The following CTNND2 variants were observed in gnomAD, a reference collection of about 807,000 sequenced individuals.
CTNND2 encodes catenin delta-2.
CTNND2 carries 22 observed loss-of-function variants against 144.4 expected under a neutral mutation model. That is an observed-to-expected ratio of 0.15 (90% confidence interval 0.11 to 0.22). CTNND2 has a LOEUF of 0.22. Among genes scored for constraint, CTNND2 ranks in the 10% least tolerant of loss-of-function variants. CTNND2 has a pLI of 1.00. For missense variants in CTNND2, 1,353 were observed against 1,618.8 expected (o/e 0.84, Z 2.82); for synonymous variants, 751 against 695.6 (o/e 1.08, Z -1.25).
At chr5:11,127,622 A>C (rs1232941375) in intron 12 of CTNND2, among the ~76,000 whole-genome samples, 1 of 151,920 alleles carries the variant, frequency 6.6e-6, no homozygotes, top group Non-Finnish European at 1.5e-5. Context: ...TGGAGCAGCA[A>C]CTCCATTTTA....
intron 9 of CTNND2, among the ~76,000 whole-genome samples, chr5:11,243,884 C>T (rs922470027): frequency 6.6e-6 from 1 of 152,202 alleles, no homozygotes; most frequent in Non-Finnish European, 1.5e-5. Flanking sequence ...TTCAGCAAAG[C>T]TTTATGGTGG....
At chr5:11,033,121 A>C (rs1743661849) in intron 16 of CTNND2, among the ~76,000 whole-genome samples, 1 of 152,182 alleles carries the variant, frequency 6.6e-6, no homozygotes, top group Non-Finnish European at 1.5e-5. Flanking sequence ...TTTAAAGTTA[A>C]AAATTAGAAA....
intron 18 of CTNND2, among the ~76,000 whole-genome samples, chr5:11,005,082 A>G (rs1017938177): frequency 1.6e-4 from 24 of 152,174 alleles, no homozygotes. Flanking sequence ...AGCTGGGGAA[A>G]GTCAGGAAGT....
intron 3 of CTNND2, among the ~76,000 whole-genome samples, chr5:11,470,968 ATATATATATATAT>A (rs1164560085): frequency 2.5e-4 from 23 of 93,054 alleles, no homozygotes; most frequent in African/African-American, 1.3e-3. Flanking sequence ...ATATATATAT[ATATATATATATAT>A]TTTTTTTTTT....
At chr5:11,453,998 C>T (rs1765508284) in intron 3 of CTNND2, among the ~76,000 whole-genome samples, 1 of 152,104 alleles carries the variant, frequency 6.6e-6, no homozygotes, top group Non-Finnish European at 1.5e-5. Context: ...TATAGGATTT[C>T]ACATATTTAA....
intron 12 of CTNND2, among the ~76,000 whole-genome samples, chr5:11,120,986 C>A (rs577341329): frequency 2.6e-5 from 4 of 152,306 alleles, no homozygotes; most frequent in African/African-American, 7.2e-5. Flanking sequence ...GTCTTCCCCA[C>A]AGACACAAGT....
At chr5:11,792,244 C>T (rs1243703927) in intron 1 of CTNND2, among the ~76,000 whole-genome samples, 1 of 152,058 alleles carries the variant, frequency 6.6e-6, no homozygotes, top group Non-Finnish European at 1.5e-5. Flanking sequence ...CCCTCAAAAA[C>T]TGTTAGGCAA....
At chr5:11,097,201 C>T (rs1751438299) in intron 15 of CTNND2, among the ~76,000 whole-genome samples, 1 of 152,138 alleles carries the variant, frequency 6.6e-6, no homozygotes, top group Non-Finnish European at 1.5e-5. Context: ...GTCAAAGCTT[C>T]CTAGATCACG....
intron 18 of CTNND2, among the ~76,000 whole-genome samples, chr5:11,002,000 C>A (rs1292346166): frequency 6.6e-6 from 1 of 152,194 alleles, no homozygotes; most frequent in African/African-American, 2.4e-5. Flanking sequence ...CCCCATGGAG[C>A]TCAGAAGAAG....
chr5:11,626,461 CATAT>C (rs1214095748), intron 2 of CTNND2, among the ~76,000 whole-genome samples: 2 of 152,176 alleles, frequency 1.3e-5, no homozygotes, highest in Admixed American at 6.5e-5. Context: ...GAAACACTAT[CATAT>C]TAGGAATGTA....
intron 2 of CTNND2, among the ~76,000 whole-genome samples, chr5:11,671,186 T>G (rs1320381468): frequency 1.3e-5 from 2 of 152,212 alleles, no homozygotes; most frequent in East Asian, 1.9e-4. Context: ...TAACCTGACC[T>G]TTCTCTCTGG....
chr5:11,858,821 C>T (rs935519959), intron 1 of CTNND2, among the ~76,000 whole-genome samples: 4 of 152,008 alleles, frequency 2.6e-5, no homozygotes, highest in Non-Finnish European at 2.9e-5. Context: ...CCCAGCTATT[C>T]GGGAGGCTGA....
At chr5:11,297,346 T>C (rs963194327) in intron 9 of CTNND2, among the ~76,000 whole-genome samples, 21 of 152,230 alleles carry the variant, frequency 1.4e-4, no homozygotes, top group African/African-American at 4.8e-4. Flanking sequence ...CAACTTTGCA[T>C]CTGTGTGTAG....
rs970485919 is a variant in CTNND2, at chr5:11,717,324, A to C, written c.174+14812T>G. On this transcript the variant is annotated intron_variant, in intron 2 of 21. Transcript: ENST00000304623. ...CACAGTGGCTTACACCTGTAATCCC[A>C]GCACTTTGGGAGGCTGAGGCAGGTG... Among the ~76,000 whole-genome samples, 4 of 152,004 alleles carry C rather than the reference A, an allele frequency of 2.6e-5. No individual in the cohort carries two copies. The South Asian group carries it at 8.4e-4, about 32-fold the overall frequency.
intron 11 of CTNND2, among the ~76,000 whole-genome samples, chr5:11,188,252 T>C (rs988835576): frequency 8.5e-5 from 13 of 152,112 alleles, no homozygotes; most frequent in South Asian, 2.1e-4. Context: ...TATATATATA[T>C]ACCATAGAAT....
At chr5:11,412,180 TTTC>T in intron 3 of CTNND2, 111 bp from the exon 4 acceptor site, 1 of 714,670 alleles carries the variant, frequency 1.4e-6, no homozygotes, top group South Asian at 1.8e-5. Flanking sequence ...CCCCGTTGCA[TTTC>T]CTTTCATTTC....
intron 2 of CTNND2, among the ~76,000 whole-genome samples, chr5:11,647,050 A>G (rs561436468): frequency 2.0e-5 from 3 of 152,254 alleles, no homozygotes; most frequent in African/African-American, 4.8e-5. Context: ...TCAGTACATA[A>G]CTAGTAAAAT....
Position 11,120,288 on chromosome 5 carries a change from AT to A in CTNND2, c.2160-2722del, listed in dbSNP as rs1268010452. On this transcript the variant is annotated intron_variant, in intron 12 of 21. Coordinates refer to ENST00000304623, the MANE Select transcript of CTNND2 (RefSeq NM_001332.4). Reference sequence around the variant, plus strand: ...AGGGGTGATGAGGCTCAGTATACATATAGACTTCAAGAGGGGGTTATCATAC... The same window carrying A: ...AGGGGTGATGAGGCTCAGTATACATAAGACTTCAAGAGGGGGTTATCATAC... Among the ~76,000 whole-genome samples the A allele has an allele frequency of 2.7e-5, 4 of 149,788 alleles. No homozygotes were observed. The East Asian group carries it at 7.8e-4, about 29-fold the overall frequency.
intron 1 of CTNND2, among the ~76,000 whole-genome samples, chr5:11,824,236 C>A (rs1317091543): frequency 1.3e-5 from 2 of 152,062 alleles, no homozygotes; most frequent in East Asian, 3.9e-4. Flanking sequence ...TACATAAATA[C>A]CGCATTGGCC....
Sources: gnomAD v4.1 joint callset for allele counts (sites outside exome capture counted in the v4.1 genomes callset) on GRCh38, gnomAD v4.1.1 for gene constraint, MANE v1.5 for transcripts, NCBI Gene and HGNC (gene_info 2026-07-23, HGNC 2026-07-21) for gene names.